The following SPAG8 variants were observed in gnomAD, a reference collection of about 807,000 sequenced individuals.
The protein encoded by SPAG8 is sperm-associated antigen 8.
Under a neutral mutation model 45.3 loss-of-function variants are expected in SPAG8, and 36 were observed. The observed-to-expected ratio is 0.80, with a 90% confidence interval of 0.61 to 1.05. SPAG8 has a LOEUF of 1.05. Ranked by LOEUF, SPAG8 falls within the 50% of genes least tolerant of loss-of-function variation. The pLI is 0.00. For synonymous variants in SPAG8, 227 were observed against 232.6 expected (o/e 0.98, Z 0.22); for missense variants, 573 against 609.2 (o/e 0.94, Z 0.63).
At chr9:35,809,093 A>G (rs1477608310), downstream of SPAG8, 1 of 1,457,962 alleles carries the variant, frequency 6.9e-7, no homozygotes, top group African/African-American at 1.4e-5. This position sits in a 1 kb window ranked among gnomAD's most constrained non-coding sequence, Gnocchi z 4.1. Context: ...AGTATCACCA[A>G]TTATTTGATT....
Position 35,812,138 on chromosome 9 carries a change from T to A in SPAG8, c.10A>T (p.Asn4Tyr). ...GACCGCGATCCCTCCGTAGACTCGT[T>A]GGTCTCCATCTTCAGACTCCAGCTA... Reference protein sequence around the residue: METNESTEGSRSRS... With the variant: METYESTEGSRSRS... The change falls in exon 1 of 7, where the codon AAC becomes TAC. Residue 4 changes from asparagine (N) to tyrosine (Y), a missense_variant. By Grantham distance (143) the Asn-to-Tyr change is moderately radical. Coordinates refer to ENST00000396638, the MANE Select transcript of SPAG8 (RefSeq NM_001039592.2). The A allele has an allele frequency of 6.2e-7, 1 of 1,606,898 alleles. No homozygotes were observed. The highest frequency in any genetic ancestry group is 8.5e-7 in the Non-Finnish European group (1 of 1,179,980).
Position 35,811,511 on chromosome 9 carries a change from AGCCAGGACCAG to A in SPAG8, c.524_534del (p.Pro175LeufsTer28), listed in dbSNP as rs747525066. On this transcript the variant is annotated frameshift_variant, in exon 2 of 7. Transcript: ENST00000396638. LOFTEE classifies it high-confidence loss of function. ...TGACCAGGACCAGAGCCAGGACCAGAGCCAGGACCAGGACCAGAGCCAGAGCCAGGGACAGA... is the reference window on the plus strand; with the variant it reads ...TGACCAGGACCAGAGCCAGGACCAGAGACCAGAGCCAGAGCCAGGGACAGA... 1.5e-6 allele frequency: 2 copies of A among 1,292,040 alleles called. No homozygotes were observed. The highest frequency in any genetic ancestry group is 2.2e-6 in the Non-Finnish European group (2 of 926,146). 80.0% of individuals were successfully genotyped at this position (1,292,040 alleles called of 1,614,324 possible).
Position 35,810,869 on chromosome 9 carries a change from C to G in SPAG8, c.1039+14G>C. The G allele has an allele frequency of 6.2e-7, 1 of 1,610,612 alleles. No homozygotes were observed. The highest frequency in any genetic ancestry group is 1.1e-5 in the South Asian group (1 of 90,770). On this transcript the variant is annotated intron_variant, in intron 3 of 6. Coordinates refer to ENST00000396638, the MANE Select transcript of SPAG8 (RefSeq NM_001039592.2). ...TAATGGGCTCGTTCTGGCCTACCCT[C>G]TCACATTTCACACCTCGAAGTGGCC...
intron 2 of SPAG8, 39 bp from the exon 3 acceptor site, chr9:35,811,096 G>C: frequency 6.3e-7 from 1 of 1,592,922 alleles, no homozygotes; most frequent in Non-Finnish European, 8.6e-7. Flanking sequence ...TATCCCTTCT[G>C]GTACCCACCC....
downstream of SPAG8, chr9:35,809,513 C>G: frequency 1.2e-6 from 2 of 1,612,710 alleles, no homozygotes; most frequent in Admixed American, 1.7e-5. The surrounding 1 kb of genome is among the most constrained non-coding windows in gnomAD (Gnocchi z 4.1). Flanking sequence ...GCCACCATGT[C>G]TGCACACACC....
Position 35,811,862 on chromosome 9 carries a change from C to T in SPAG8, c.184G>A (p.Ala62Thr). 2 of 1,611,150 alleles carry T rather than the reference C, an allele frequency of 1.2e-6. No individual in the cohort carries two copies. Among genetic ancestry groups the T allele is most frequent in the South Asian group, 1.1e-5 (1 of 91,052 alleles). ...AAAASAAAATAAFTTAKAAAL... is the reference protein window; with the variant it reads ...AAAASAAAATTAFTTAKAAAL... Reference sequence around the variant, plus strand: ...GCTGCTTTGGCAGTGGTGAAGGCTGCAGTAGCTGCAGCAGCTGATGCAGCC... The same window carrying T: ...GCTGCTTTGGCAGTGGTGAAGGCTGTAGTAGCTGCAGCAGCTGATGCAGCC... The change falls in exon 2 of 7, where the codon GCA becomes ACA. Residue 62 changes from alanine to threonine, a missense_variant. Transcript: ENST00000396638.
intron 3 of SPAG8, 75 bp from the exon 4 acceptor site, chr9:35,810,757 A>C (rs1201936357): frequency 6.2e-7 from 1 of 1,606,172 alleles, no homozygotes; most frequent in African/African-American, 1.3e-5. Context: ...ACTTGAGAAA[A>C]GGAAGAAGAA....
chr9:35,811,204 A>T lies in SPAG8; in HGVS notation c.842T>A (p.Leu281His), dbSNP rs1456261277. Residue 281 changes from leucine (L) to histidine (H), a missense_variant, in exon 2 of 7, where the codon CTC becomes CAC. Leu to His is a moderately conservative substitution (Grantham distance 99, BLOSUM62 -3). Transcript: ENST00000396638. ...TACCTCTTCCTCCCAGTTGTAGAGG[A>T]GGCACTGGCCCCGCGGCAAAGTTTC... ...CYETLPRGQC[L>H]LYNWEEERAT... 3 of 1,576,932 alleles carry T rather than the reference A, an allele frequency of 1.9e-6. No homozygotes were observed. The highest frequency in any genetic ancestry group is 2.6e-6 in the Non-Finnish European group (3 of 1,160,546).
Position 35,811,505 on chromosome 9 carries a change from G to A in SPAG8, c.541C>T (p.Pro181Ser). 2 of 1,602,984 alleles carry A rather than the reference G, an allele frequency of 1.2e-6. No individual in the cohort carries two copies. The highest frequency in any genetic ancestry group is 2.2e-5 in the South Asian group (2 of 89,796). The stretch of plus-strand genomic sequence containing the variant: ...GAGCCATGACCAGGACCAGAGCCAG[G>A]ACCAGAGCCAGGACCAGGACCAGAG... ...SGSGPGPGSG[P>S]GSGPGHGSGS... is the part of the protein sequence containing the mutation. The change falls in exon 2 of 7, where the codon CCT becomes TCT. Residue 181 changes from proline (P) to serine (S), a missense_variant. Pro to Ser is a moderately conservative substitution (Grantham distance 74, BLOSUM62 -1). Transcript: ENST00000396638.
rs1283085727 is a variant in SPAG8 at position 35,810,152 on chromosome 9, A to G, written c.1264-20T>C. On this transcript the variant is annotated intron_variant, in intron 6 of 6. Coordinates refer to ENST00000396638, the MANE Select transcript of SPAG8 (RefSeq NM_001039592.2). ...GACACCCTGGAGGAGTGCCAGGATGAGGATGGATCCCACTCTCCCCAAGCC... is the reference window on the plus strand; with the variant it reads ...GACACCCTGGAGGAGTGCCAGGATGGGGATGGATCCCACTCTCCCCAAGCC... 1 of 1,608,216 alleles carries G rather than the reference A, an allele frequency of 6.2e-7. No individual in the cohort carries two copies.
chr9:35,811,587 A>G lies in SPAG8; in HGVS notation c.459T>C (p.Ala153=). ...CAGAGCCAGAGCCAGAGCCATGGCC[A>G]GCACCTGAGCTGGAACCAAGAACAG... ...SGPVLGSSSG[A]GHGSGSGSGP... The change falls in exon 2 of 7, where the codon GCT becomes GCC. Residue 153 remains alanine, a synonymous_variant. Transcript: ENST00000396638. The G allele has an allele frequency of 6.2e-7, 1 of 1,613,862 alleles. No homozygotes were observed. Among genetic ancestry groups the G allele is most frequent in the Non-Finnish European group, 8.5e-7 (1 of 1,179,824 alleles).
At chr9:35,809,073 G>T, downstream of SPAG8, 1 of 1,330,140 alleles carries the variant, frequency 7.5e-7, no homozygotes, top group Admixed American at 1.7e-5. This position sits in a 1 kb window ranked among gnomAD's most constrained non-coding sequence, Gnocchi z 4.1. Flanking sequence ...GGTCGGGCAC[G>T]GTGCTATACA....
In SPAG8 at chr9:35,810,071, G is replaced by A; in HGVS notation, c.1325C>T (p.Pro442Leu). The A allele has an allele frequency of 6.2e-7, 1 of 1,613,674 alleles. No individual in the cohort carries two copies. Among genetic ancestry groups the A allele is most frequent in the Non-Finnish European group, 8.5e-7 (1 of 1,179,736 alleles). ...PFRKNCSFST[P>L]VPLSLGKLLP... is the part of the protein sequence containing the mutation. ...AAGTTTCCCCAGAGACAAGGGTACT[G>A]GTGTTGAGAAGCTGCAGTTCTTCCG... The change falls in exon 7 of 7, where the codon CCA becomes CTA. Residue 442 changes from proline (P) to leucine (L), a missense_variant. Pro to Leu is a moderately conservative substitution (Grantham distance 98). Coordinates refer to ENST00000396638, the MANE Select transcript of SPAG8 (RefSeq NM_001039592.2).
chr9:35,809,299 T>C, downstream of SPAG8: 1 of 1,609,948 alleles, frequency 6.2e-7, no homozygotes, highest in East Asian at 2.2e-5. This position sits in a 1 kb window ranked among gnomAD's most constrained non-coding sequence, Gnocchi z 4.1. Flanking sequence ...TGAAAGTGAT[T>C]ATGGGAATCA....
Position 35,811,543 on chromosome 9 carries a change from A to ACAGAGCCACAGCCAGGACCAGAGC in SPAG8, c.479_502dup (p.Gly160_Ser167dup), listed in dbSNP as rs745415006. 3 of 1,606,454 alleles carry ACAGAGCCACAGCCAGGACCAGAGC rather than the reference A, an allele frequency of 1.9e-6. No homozygotes were observed. Among genetic ancestry groups the ACAGAGCCACAGCCAGGACCAGAGC allele is most frequent in the Non-Finnish European group, 2.6e-6 (3 of 1,175,616 alleles). On this transcript the variant is annotated inframe_insertion, in exon 2 of 7. Coordinates refer to ENST00000396638, the MANE Select transcript of SPAG8 (RefSeq NM_001039592.2). ...ACCAGGACCAGAGCCAGAGCCAGGG[A>ACAGAGCCACAGCCAGGACCAGAGC]CAGAGCCACAGCCAGGACCAGAGCC...
chr9:35,808,118 T>C (rs1178102323), downstream of SPAG8: 25 of 1,301,710 alleles, frequency 1.9e-5, no homozygotes, highest in East Asian at 5.1e-4. The surrounding 1 kb of genome is among the most constrained non-coding windows in gnomAD (Gnocchi z 4.0). Flanking sequence ...CCTGCTTTCC[T>C]CCTCTCTGAC....
downstream of SPAG8, chr9:35,809,698 A>C: frequency 8.1e-7 from 1 of 1,241,812 alleles, no homozygotes; most frequent in Non-Finnish European, 1.2e-6. This position sits in a 1 kb window ranked among gnomAD's most constrained non-coding sequence, Gnocchi z 4.1. Flanking sequence ...TTTTGGTCAA[A>C]TATAAAACAA....
At chr9:35,809,372 A>G (rs1325665973), downstream of SPAG8, 1 of 1,614,030 alleles carries the variant, frequency 6.2e-7, no homozygotes, top group Non-Finnish European at 8.5e-7. This position sits in a 1 kb window ranked among gnomAD's most constrained non-coding sequence, Gnocchi z 4.1. Context: ...CCACTCTCCC[A>G]CTTCCAGGGA....
chr9:35,808,854 G>GTCT, downstream of SPAG8: 1 of 1,560,686 alleles, frequency 6.4e-7, no homozygotes, highest in South Asian at 1.1e-5. This position sits in a 1 kb window ranked among gnomAD's most constrained non-coding sequence, Gnocchi z 4.0. Flanking sequence ...AATGGTCAAG[G>GTCT]TAAGACATTA....
Sources: allele counts gnomAD v4.1 joint callset, GRCh38; gene constraint gnomAD v4.1.1; non-coding constraint Gnocchi (gnomAD v3.1); transcripts MANE v1.5; gene names NCBI Gene and HGNC (gene_info 2026-07-23, HGNC 2026-07-21).